The following TMC5 variants were observed in gnomAD, a reference collection of about 807,000 sequenced individuals.
TMC5 encodes transmembrane channel like 5.
Under a neutral mutation model 110.5 loss-of-function variants are expected in TMC5, and 86 were observed. That is an observed-to-expected ratio of 0.78 (90% CI 0.65 to 0.93). The LOEUF (loss-of-function observed/expected upper bound fraction) is 0.93. TMC5 is among the 40% of genes least tolerant of loss of function. TMC5 has a pLI of 0.00. For missense variants in TMC5, 1,144 were observed against 1,222.8 expected (o/e 0.94, Z 0.96); for synonymous variants, 455 against 439.5 (o/e 1.04, Z -0.44).
intron 2 of TMC5, among the ~76,000 whole-genome samples, chr16:19,432,061 G>A (rs1967207020): frequency 6.6e-6 from 1 of 152,162 alleles, no homozygotes; most frequent in Non-Finnish European, 1.5e-5. Context: ...TGGGTGGCTG[G>A]CCTGGCCTTA....
intron 12 of TMC5, chr16:19,477,140 C>T (rs113535974): frequency 0.01 from 2,511 of 249,874 alleles, 21 homozygotes; most frequent in Non-Finnish European, 0.016. Context: ...CCCAGCTACT[C>T]GGGAAGCTGA....
intron 2 of TMC5, among the ~76,000 whole-genome samples, chr16:19,436,273 G>GAAAAAAAGAAAA (rs1555480349): frequency 3.1e-4 from 33 of 107,594 alleles, no homozygotes; most frequent in African/African-American, 1.2e-3. Context: ...GTCTCAAAAA[G>GAAAAAAAGAAAA]AAAAAAAAAA....
intron 2 of TMC5, among the ~76,000 whole-genome samples, chr16:19,435,996 T>A (rs556922141): frequency 2.0e-4 from 31 of 152,066 alleles, no homozygotes; most frequent in Non-Finnish European, 3.7e-4. Context: ...GCACGGTGGC[T>A]CACGTCTGTA....
At chr16:19,497,187 A>T in intron 21 of TMC5, 24 bp downstream of exon 21, 1 of 1,604,346 alleles carries the variant, frequency 6.2e-7, no homozygotes, top group Non-Finnish European at 8.5e-7. Flanking sequence ...CTGGGACAGA[A>T]TAAGACACTA....
intron 10 of TMC5, among the ~76,000 whole-genome samples, chr16:19,471,636 C>T (rs1968344685): frequency 6.6e-6 from 1 of 152,244 alleles, no homozygotes; most frequent in Non-Finnish European, 1.5e-5. Flanking sequence ...CCCTCTCTCT[C>T]ACCTGTGGAT....
At chr16:19,424,583 A>G (rs1210542666) in intron 1 of TMC5, among the ~76,000 whole-genome samples, 2 of 152,184 alleles carry the variant, frequency 1.3e-5, no homozygotes, top group African/African-American at 4.8e-5. Context: ...TGGGAGGCAG[A>G]GGTTGCAGTG....
At position 19,498,111 on chromosome 16, in the gene TMC5, T is replaced by C; in HGVS notation, c.*145T>C. ...GGAGCGGAAACTGACTACCATGTAA[T>C]TATCAAAGTAAAATTGGGCATTCCA... On this transcript the variant is annotated 3_prime_UTR_variant, in exon 22 of 22. Transcript: ENST00000542583. 1.4e-6 allele frequency: 1 copy of C among 730,276 alleles called. No individual in the cohort carries two copies. The allele number at this position is 730,276 out of a possible 1,614,324, so 45.2% of individuals were successfully genotyped here. A position where few individuals can be genotyped will look rare whatever the true frequency, so the allele number is the denominator to read the frequency against.
chr16:19,466,476 C>T (rs1812003), intron 9 of TMC5, among the ~76,000 whole-genome samples: 77,340 of 151,904 alleles, frequency 0.51, 22,990 homozygotes, highest in Non-Finnish European at 0.66. Context: ...CTCAGCCTCC[C>T]GAGTAGCTAG....
intron 2 of TMC5, among the ~76,000 whole-genome samples, chr16:19,431,149 A>G (rs1346067147): frequency 6.6e-6 from 1 of 152,184 alleles, no homozygotes; most frequent in Non-Finnish European, 1.5e-5. Flanking sequence ...GGGATCTTAC[A>G]TTATTTACAG....
chr16:19,431,557 A>AAG (rs1217723303), intron 2 of TMC5, among the ~76,000 whole-genome samples: 1 of 151,604 alleles, frequency 6.6e-6, no homozygotes, highest in East Asian at 1.9e-4. Flanking sequence ...AAAAAAAAAA[A>AAG]AAGAAGAAGA....
intron 9 of TMC5, among the ~76,000 whole-genome samples, chr16:19,467,420 G>C (rs6497377): frequency 0.86 from 130,893 of 151,788 alleles, 56,668 homozygotes; most frequent in South Asian, 0.93. Context: ...GATGCCATTT[G>C]TACTGAATTG....
intron 1 of TMC5, among the ~76,000 whole-genome samples, chr16:19,428,197 C>G (rs909751932): frequency 1.3e-5 from 2 of 152,034 alleles, no homozygotes; most frequent in African/African-American, 4.8e-5. Context: ...ATAAAATAAT[C>G]TTCTCATTCT....
chr16:19,495,932 G>C (rs751335130), intron 20 of TMC5, among the ~76,000 whole-genome samples: 1 of 152,002 alleles, frequency 6.6e-6, no homozygotes. Context: ...TCAGGGGTTC[G>C]AGACCAGCCC....
intron 20 of TMC5, among the ~76,000 whole-genome samples, chr16:19,496,032 C>A (rs1024024324): frequency 6.6e-6 from 1 of 151,830 alleles, no homozygotes; most frequent in Non-Finnish European, 1.5e-5. Context: ...TGGTGCACAT[C>A]TGTAATCCCA....
intron 2 of TMC5, among the ~76,000 whole-genome samples, chr16:19,431,128 T>G (rs1967187015): frequency 6.6e-6 from 1 of 152,232 alleles, no homozygotes; most frequent in South Asian, 2.1e-4. Flanking sequence ...ACTGTGGGTC[T>G]TAAGTATGTA....
rs140717223 is a variant in TMC5, at chr16:19,461,130, G to A, written c.1148+796G>A. Among the ~76,000 whole-genome samples the A allele has an allele frequency of 2.9e-3, 447 of 152,284 alleles. 2 individuals are homozygous for A. Among genetic ancestry groups the A allele is most frequent in the Admixed American group, 7.8e-3 (120 of 15,290 alleles). Reference sequence around the variant, plus strand: ...AGTCTGGAGTTTAGGTAATAGTAACGTACCAGTACTGGTATCTTAGTTTTG... The same window carrying A: ...AGTCTGGAGTTTAGGTAATAGTAACATACCAGTACTGGTATCTTAGTTTTG... On this transcript the variant is annotated intron_variant, in intron 6 of 21. Transcript: ENST00000542583.
intron 2 of TMC5, among the ~76,000 whole-genome samples, chr16:19,436,568 T>G (rs1377125253): frequency 6.6e-6 from 1 of 152,220 alleles, no homozygotes; most frequent in African/African-American, 2.4e-5. Context: ...TTTAGTCTTC[T>G]TAGCACTACA....
At chr16:19,452,399 G>A (rs1347278381) in intron 5 of TMC5, among the ~76,000 whole-genome samples, 1 of 152,066 alleles carries the variant, frequency 6.6e-6, no homozygotes, top group Non-Finnish European at 1.5e-5. Flanking sequence ...TCATTACATA[G>A]ACATGATTGA....
chr16:19,496,677 G>C (rs1969060273), intron 20 of TMC5, among the ~76,000 whole-genome samples: 1 of 151,934 alleles, frequency 6.6e-6, no homozygotes, highest in Non-Finnish European at 1.5e-5. Context: ...TTGAGGTCAG[G>C]AGTTTGAGAC....
Sources: allele counts gnomAD v4.1 joint callset (sites outside exome capture counted in the v4.1 genomes callset), GRCh38; gene constraint gnomAD v4.1.1; transcripts MANE v1.5; gene names NCBI Gene and HGNC (gene_info 2026-07-23, HGNC 2026-07-21).